Variants in BCL2L1 observed in about 807,000 individuals in gnomAD.
The protein encoded by BCL2L1 is BCL2 like 1.
A neutral mutation model predicts 18.7 loss-of-function variants in BCL2L1; 1 was observed. The ratio of observed to expected loss-of-function variants is 0.05; its 90% CI spans 0.02 to 0.25. BCL2L1 has a LOEUF of 0.25. Among genes scored for constraint, BCL2L1 ranks in the 10% least tolerant of loss-of-function variants. The pLI, the probability that BCL2L1 is intolerant of heterozygous loss-of-function variation, is 1.00. For missense variants in BCL2L1, 207 were observed against 304.9 expected, an observed-to-expected ratio of 0.68 and a Z score of 2.39; for synonymous variants, 103 against 122.7, an observed-to-expected ratio of 0.84 and a Z score of 1.06.
At chr20:31,666,465 A>T (rs1272886104) in intron 2 of BCL2L1, among the ~76,000 whole-genome samples, 1 of 152,090 alleles carries the variant, frequency 6.6e-6, no homozygotes, top group African/African-American at 2.4e-5. Flanking sequence ...GGGGTGAGCA[A>T]GAGCCAGACC....
intron 2 of BCL2L1, among the ~76,000 whole-genome samples, chr20:31,682,281 A>G (rs1212475413): frequency 2.0e-5 from 3 of 152,236 alleles, no homozygotes; most frequent in African/African-American, 7.2e-5. Flanking sequence ...TGCTTATTCT[A>G]GGCTGAGCTT....
upstream of BCL2L1, chr20:31,723,215 T>G (rs993553873): frequency 1.1e-6 from 1 of 925,874 alleles, no homozygotes; most frequent in Non-Finnish European, 1.3e-6. Context: ...ATGCCGCTGG[T>G]TTGCTCTGAA....
At chr20:31,671,856 AC>A (rs2060674131) in intron 2 of BCL2L1, among the ~76,000 whole-genome samples, 1 of 149,554 alleles carries the variant, frequency 6.7e-6, no homozygotes. Context: ...TACTATATAT[AC>A]CATATATATA....
At chr20:31,675,338 A>G (rs901036014) in intron 2 of BCL2L1, among the ~76,000 whole-genome samples, 3 of 152,130 alleles carry the variant, frequency 2.0e-5, no homozygotes, top group Non-Finnish European at 4.4e-5. Context: ...CTGCAGAGTC[A>G]CCTTATGCTC....
intron 2 of BCL2L1, among the ~76,000 whole-genome samples, chr20:31,692,149 G>A (rs986795861): frequency 1.3e-5 from 2 of 152,212 alleles, no homozygotes; most frequent in African/African-American, 2.4e-5. Flanking sequence ...TTTGGGGGTG[G>A]AGCCCAGCAA....
chr20:31,702,672 C>T (rs950318021), intron 2 of BCL2L1, among the ~76,000 whole-genome samples: 2 of 151,514 alleles, frequency 1.3e-5, no homozygotes, highest in African/African-American at 4.9e-5. Flanking sequence ...TGCCACCAAG[C>T]CTGGCTAATT....
chr20:31,698,882 A>G (rs1047760692), intron 2 of BCL2L1, among the ~76,000 whole-genome samples: 7 of 152,100 alleles, frequency 4.6e-5, no homozygotes, highest in African/African-American at 9.7e-5. Flanking sequence ...GATCTCCAAT[A>G]TATCTCCAAT....
chr20:31,677,180 T>G (rs1286364310), intron 2 of BCL2L1, among the ~76,000 whole-genome samples: 5 of 138,950 alleles, frequency 3.6e-5, no homozygotes, highest in Admixed American at 3.5e-4. Flanking sequence ...AATCCTTATT[T>G]AATTTTTTTT....
intron 2 of BCL2L1, among the ~76,000 whole-genome samples, chr20:31,710,300 AAG>A (rs2061434479): frequency 6.6e-6 from 1 of 152,188 alleles, no homozygotes; most frequent in Non-Finnish European, 1.5e-5. Flanking sequence ...GAATGATAAG[AAG>A]AGAGAGAGCC....
chr20:31,704,441 G>A (rs540319486), intron 2 of BCL2L1, among the ~76,000 whole-genome samples: 1 of 152,166 alleles, frequency 6.6e-6, no homozygotes, highest in East Asian at 1.9e-4. Context: ...GGAGTATTGG[G>A]CAAGAGTGAT....
chr20:31,723,194 A>AC, upstream of BCL2L1: 1 of 760,200 alleles, frequency 1.3e-6, no homozygotes, highest in Non-Finnish European at 1.6e-6. Flanking sequence ...AAGGCCGGAG[A>AC]CCCCCAACAA....
chr20:31,687,899 G>T (rs2060989829), intron 2 of BCL2L1, among the ~76,000 whole-genome samples: 1 of 152,056 alleles, frequency 6.6e-6, no homozygotes, highest in South Asian at 2.1e-4. Context: ...AAGGTGTACT[G>T]TAAGAGCACA....
intron 2 of BCL2L1, among the ~76,000 whole-genome samples, chr20:31,715,898 C>T (rs999074447): frequency 2.6e-5 from 4 of 151,986 alleles, no homozygotes; most frequent in Non-Finnish European, 5.9e-5. Context: ...GTGGCTTGAT[C>T]TCGGCTCACT....
Position 31,692,035 on chromosome 20 carries a change from T to G in BCL2L1, c.565-25949A>C, listed in dbSNP as rs1046798576. Among the ~76,000 whole-genome samples, 5 of 152,306 alleles carry G rather than the reference T, an allele frequency of 3.3e-5. No homozygotes were observed. In the Middle Eastern group the frequency reaches 0.014, roughly 417 times the overall value. Reference sequence around the variant, plus strand: ...CACTTCTGTGTAAACCCTACAACAATGATTCTCAGTGAGGTCCCAGGACCA... The same window carrying G: ...CACTTCTGTGTAAACCCTACAACAAGGATTCTCAGTGAGGTCCCAGGACCA... On this transcript the variant is annotated intron_variant, in intron 2 of 2. Coordinates refer to ENST00000307677, the MANE Select transcript of BCL2L1 (RefSeq NM_138578.3).
chr20:31,697,172 G>A (rs2061186202), intron 2 of BCL2L1, among the ~76,000 whole-genome samples: 2 of 151,928 alleles, frequency 1.3e-5, no homozygotes, highest in South Asian at 4.1e-4. Context: ...TATTACATGA[G>A]ATAACATATT....
chr20:31,717,967 G>C (rs2061563387), intron 2 of BCL2L1, among the ~76,000 whole-genome samples: 1 of 152,206 alleles, frequency 6.6e-6, no homozygotes, highest in Non-Finnish European at 1.5e-5. Flanking sequence ...AACATTCCAG[G>C]AAAGTATCAC....
intron 2 of BCL2L1, chr20:31,720,051 A>G (rs2061597749): frequency 3.1e-6 from 3 of 963,554 alleles, no homozygotes; most frequent in African/African-American, 1.8e-5. Context: ...TTATCCCCCT[A>G]GAGAGTTCAT....
At chr20:31,684,766 C>A (rs992964334) in intron 2 of BCL2L1, among the ~76,000 whole-genome samples, 2 of 152,182 alleles carry the variant, frequency 1.3e-5, no homozygotes, top group African/African-American at 4.8e-5. Flanking sequence ...GCTTAGTGAA[C>A]ACGGCTACAG....
intron 2 of BCL2L1, among the ~76,000 whole-genome samples, chr20:31,676,618 T>A (rs949758267): frequency 6.6e-6 from 1 of 152,078 alleles, no homozygotes; most frequent in Admixed American, 6.5e-5. Context: ...AAACCAATAC[T>A]CACCCTTGGA....
Sources: allele counts gnomAD v4.1 joint callset (sites outside exome capture counted in the v4.1 genomes callset), GRCh38; gene constraint gnomAD v4.1.1; transcripts MANE v1.5; gene names NCBI Gene and HGNC (gene_info 2026-07-23, HGNC 2026-07-21).